SLC47A2: variants seen among roughly 807,000 people sequenced by gnomAD.
SLC47A2 encodes multidrug and toxin extrusion protein 2.
SLC47A2 carries 52 observed loss-of-function variants against 67.7 expected under a neutral mutation model. The observed-to-expected ratio is 0.77, with a 90% CI of 0.61 to 0.97. The LOEUF (loss-of-function observed/expected upper bound fraction) is 0.97. Ranked by LOEUF, SLC47A2 falls within the 50% of genes least tolerant of loss-of-function variation. The pLI, the probability that SLC47A2 is intolerant of heterozygous loss-of-function variation, is 0.00. For synonymous variants in SLC47A2, 278 were observed against 292.9 expected (o/e 0.95, Z 0.52); for missense variants, 676 against 712.3 (o/e 0.95, Z 0.58).
In SLC47A2 at chr17:19,715,160, G is replaced by A; in HGVS notation, c.181C>T (p.His61Tyr). Reference protein sequence around the residue: ...IYIVSTVFCGHLGKVELASVT... With the variant: ...IYIVSTVFCGYLGKVELASVT... ...GATGCCAGCTCCACCTTGCCCAGGT[G>A]CCCGCAGAACACAGTGCTCACGATG... Residue 61 changes from histidine to tyrosine, a missense_variant, in exon 2 of 17, where the codon CAC becomes TAC. Physicochemically the swap from His to Tyr is moderately conservative, Grantham distance 83. Coordinates refer to ENST00000433844, the MANE Select transcript of SLC47A2 (RefSeq NM_001099646.3). The A allele has an allele frequency of 6.2e-7, 1 of 1,612,480 alleles. No homozygotes were observed.
intron 7 of SLC47A2, 80 bp from the exon 8 acceptor site, chr17:19,707,923 C>A (rs1323637012): frequency 1.1e-5 from 15 of 1,349,762 alleles, no homozygotes; most frequent in Middle Eastern, 2.1e-4. Flanking sequence ...GTGGCTCTGG[C>A]GGCCAGCCCG....
intron 13 of SLC47A2, among the ~76,000 whole-genome samples, chr17:19,684,735 T>C (rs1210347966): frequency 6.6e-6 from 1 of 151,356 alleles, no homozygotes; most frequent in Non-Finnish European, 1.5e-5. Context: ...AATAAATAGA[T>C]AAAAGATTAG....
chr17:19,713,390 G>GTAATAATAATAA (rs34354818), intron 4 of SLC47A2, among the ~76,000 whole-genome samples: 14 of 148,696 alleles, frequency 9.4e-5, no homozygotes, highest in South Asian at 2.2e-4. Flanking sequence ...TCTGTCTCAA[G>GTAATAATAATAA]TAATAATAAT....
chr17:19,714,520 C>G (rs1029468727), intron 3 of SLC47A2: 13 of 646,898 alleles, frequency 2.0e-5, no homozygotes, highest in African/African-American at 2.0e-4. Flanking sequence ...CCCCTTTCTC[C>G]TGGCCCAGAC....
At position 19,678,910 on chromosome 17, in the gene SLC47A2, C is replaced by A. The variant is rs113019207; in HGVS notation, c.1481-4G>T. 2 of 1,561,652 alleles carry A rather than the reference C, an allele frequency of 1.3e-6. No homozygotes were observed. Among genetic ancestry groups the A allele is most frequent in the Non-Finnish European group, 1.7e-6 (2 of 1,151,600 alleles). ...CCAGGGGAACTGCCTGTAGCCACTG[C>A]GGAAGCAAACAGGAGCAAACTCAGC... On this transcript the variant is annotated splice_region_variant and splice_polypyrimidine_tract_variant and intron_variant, in intron 16 of 16. Transcript: ENST00000433844.
chr17:19,706,542 TGGGGAGGGGGC>T, intron 9 of SLC47A2, 95 bp downstream of exon 9: 1 of 920,600 alleles, frequency 1.1e-6, no homozygotes, highest in Non-Finnish European at 1.6e-6. Flanking sequence ...GCTGCCATCC[TGGGGAGGGGGC>T]TTCTGGGATG....
chr17:19,680,157 T>C (rs1171557617), intron 15 of SLC47A2, 118 bp from the exon 16 acceptor site: 2 of 915,488 alleles, frequency 2.2e-6, no homozygotes, highest in East Asian at 5.5e-5. Context: ...TATATGCATG[T>C]ATTCATAGTC....
chr17:19,706,016 T>C (rs1470555197), intron 9 of SLC47A2, among the ~76,000 whole-genome samples: 2 of 152,122 alleles, frequency 1.3e-5, no homozygotes, highest in African/African-American at 4.8e-5. Context: ...CCCTGTGTGG[T>C]CTGTCTTTCC....
At chr17:19,683,648 A>G (rs902959101) in intron 13 of SLC47A2, among the ~76,000 whole-genome samples, 1 of 152,234 alleles carries the variant, frequency 6.6e-6, no homozygotes, top group African/African-American at 2.4e-5. Context: ...GAGCCTGTCC[A>G]CATGGGCTGA....
rs756583334 is a variant in SLC47A2 at position 19,704,092 on chromosome 17, G to C, written c.996C>G (p.Ala332=). The change falls in exon 11 of 17, where the codon GCC becomes GCG. Residue 332 remains alanine (A), a synonymous_variant. Transcript: ENST00000433844. The part of the protein sequence containing the change: ...AADTVQAKRS[A]VSGVLSIVGI... ...TACCTATGCTGAGCACGCCCGAGAC[G>C]GCCGAGCGCTTGGCCTGCACAGTAT... 1 of 1,610,134 alleles carries C rather than the reference G, an allele frequency of 6.2e-7. No homozygotes were observed. The highest frequency in any genetic ancestry group is 1.7e-5 in the Admixed American group (1 of 59,862).
intron 13 of SLC47A2, among the ~76,000 whole-genome samples, chr17:19,688,631 G>A (rs2085477174): frequency 6.6e-6 from 1 of 152,128 alleles, no homozygotes; most frequent in South Asian, 2.1e-4. Context: ...TCGCTCTGTT[G>A]CCCAGGCTGG....
At chr17:19,690,253 C>T (rs1327202431) in intron 13 of SLC47A2, among the ~76,000 whole-genome samples, 5 of 152,080 alleles carry the variant, frequency 3.3e-5, no homozygotes, top group Admixed American at 1.3e-4. Flanking sequence ...TATCTCTCAC[C>T]GTATACAAAA....
chr17:19,702,563 C>T (rs756005399), intron 13 of SLC47A2, 42 bp downstream of exon 13: 1 of 1,610,582 alleles, frequency 6.2e-7, no homozygotes. Flanking sequence ...GTACATAAAT[C>T]ATGTCCCAGG....
At chr17:19,708,150 C>G in intron 7 of SLC47A2, 152 bp downstream of exon 7, 1 of 850,852 alleles carries the variant, frequency 1.2e-6, no homozygotes, top group Non-Finnish European at 1.8e-6. Flanking sequence ...CTGAGGTCCC[C>G]AAGGGACCAT....
At chr17:19,704,511 C>A in intron 10 of SLC47A2, 1 of 853,944 alleles carries the variant, frequency 1.2e-6, no homozygotes. Context: ...GGTCTTAGTC[C>A]CAGAAAAGCT....
intron 10 of SLC47A2, 150 bp from the exon 11 acceptor site, chr17:19,704,328 A>C (rs2085869102): frequency 1.5e-6 from 1 of 682,090 alleles, no homozygotes; most frequent in Admixed American, 3.1e-5. Flanking sequence ...CTTGCTGCTG[A>C]CAATGAGGCA....
intron 8 of SLC47A2, among the ~76,000 whole-genome samples, chr17:19,707,473 C>T (rs569973654): frequency 4.7e-4 from 71 of 152,316 alleles, no homozygotes; most frequent in African/African-American, 1.6e-3. Context: ...ACTGCTCTCA[C>T]CGCCATCCTG....
intron 12 of SLC47A2, 115 bp from the exon 13 acceptor site, chr17:19,702,789 G>GC (rs1597619608): frequency 8.4e-7 from 1 of 1,195,798 alleles, no homozygotes. Context: ...AGAGGTAGTT[G>GC]CCCCACACAA....
chr17:19,704,015 AGGC>A, intron 11 of SLC47A2, 52 bp downstream of exon 11: 1 of 1,393,914 alleles, frequency 7.2e-7, no homozygotes. Flanking sequence ...CCTGTGGCCC[AGGC>A]TGGTGACTCA....
Sources: allele counts gnomAD v4.1 joint callset (sites outside exome capture counted in the v4.1 genomes callset), GRCh38; gene constraint gnomAD v4.1.1; transcripts MANE v1.5; gene names NCBI Gene and HGNC (gene_info 2026-07-23, HGNC 2026-07-21).